DCDC1: variants seen among roughly 807,000 people sequenced by gnomAD.
The protein encoded by DCDC1 is doublecortin domain-containing protein 1.
In DCDC1, 200 loss-of-function variants were observed where a neutral mutation model predicts 178.3. That is an observed-to-expected ratio of 1.12 (90% CI 1.00 to 1.26). The LOEUF (loss-of-function observed/expected upper bound fraction) is 1.26. Ranked by LOEUF, DCDC1 falls within the 50% of genes most tolerant of loss-of-function variation. DCDC1 has a pLI of 0.00. For synonymous variants in DCDC1, 690 were observed against 604.8 expected, an observed-to-expected ratio of 1.14 and a Z score of -2.07; for missense variants, 1,983 against 1,749.2, an observed-to-expected ratio of 1.13 and a Z score of -2.38.
chr11:31,315,646 C>CTTTTTTTT (rs59083470), intron 3 of DCDC1, among the ~76,000 whole-genome samples: 2 of 112,426 alleles, frequency 1.8e-5, no homozygotes, highest in East Asian at 2.6e-4. Context: ...ATCTGCATAC[C>CTTTTTTTT]TTTTTTTTTT....
intron 21 of DCDC1, among the ~76,000 whole-genome samples, chr11:30,946,471 C>T (rs982701526): frequency 6.6e-6 from 1 of 152,188 alleles, no homozygotes; most frequent in African/African-American, 2.4e-5. Context: ...TTTTGAATAA[C>T]TCTTTTTTTC....
chr11:30,874,304 G>C (rs908400503), intron 38 of DCDC1, among the ~76,000 whole-genome samples: 17 of 152,146 alleles, frequency 1.1e-4, no homozygotes, highest in Admixed American at 3.3e-4. Flanking sequence ...CCAGTGCTGG[G>C]ACCAAGCCTG....
intron 9 of DCDC1, among the ~76,000 whole-genome samples, chr11:31,182,774 C>A (rs1029426023): frequency 6.6e-6 from 1 of 152,032 alleles, no homozygotes; most frequent in Non-Finnish European, 1.5e-5. Flanking sequence ...TGTAAACGGG[C>A]TAAATGCCAC....
chr11:31,305,638 A>T lies in DCDC1; in HGVS notation c.731T>A (p.Leu244Ter). Reference protein sequence around the residue: ...DVYVSTGEPFLNPFKKIKDHL... With the variant: ...DVYVSTGEPF ...ACCTTTAATTTTTTTGAATGGATTT[A>T]AAAAGGGCTCTCCCGTTGAAACATA... The change falls in exon 6 of 39, where the codon TTA becomes TAA. Residue 244 changes from leucine (L) to a stop codon, truncating the protein, a stop_gained. Coordinates refer to ENST00000684477, the MANE Select transcript of DCDC1 (RefSeq NM_001387274.1). LOFTEE classifies it high-confidence loss of function. The T allele has an allele frequency of 6.2e-7, 1 of 1,613,596 alleles. No homozygotes were observed. Among genetic ancestry groups the T allele is most frequent in the Non-Finnish European group, 8.5e-7 (1 of 1,179,648 alleles).
At chr11:31,100,147 G>A (rs989151270) in intron 15 of DCDC1, among the ~76,000 whole-genome samples, 1 of 152,086 alleles carries the variant, frequency 6.6e-6, no homozygotes, top group Non-Finnish European at 1.5e-5. Flanking sequence ...GTCCACATGG[G>A]CATAACAACA....
intron 9 of DCDC1, among the ~76,000 whole-genome samples, chr11:31,146,239 T>G (rs1000125172): frequency 6.6e-6 from 1 of 151,222 alleles, no homozygotes; most frequent in Non-Finnish European, 1.5e-5. Flanking sequence ...GCCTGGCTAA[T>G]TTTTTTTTGT....
At chr11:31,327,400 C>A (rs1255211535) in intron 3 of DCDC1, among the ~76,000 whole-genome samples, 1 of 152,050 alleles carries the variant, frequency 6.6e-6, no homozygotes, top group African/African-American at 2.4e-5. Flanking sequence ...AAACTCCCGA[C>A]CTCAGGTGAT....
intron 1 of DCDC1, among the ~76,000 whole-genome samples, chr11:31,341,845 A>ACACACACACAC (rs1950567324): frequency 6.7e-6 from 1 of 149,936 alleles, no homozygotes; most frequent in Non-Finnish European, 1.5e-5. Flanking sequence ...ACACACACAC[A>ACACACACACAC]TTTTTTTTGG....
intron 38 of DCDC1, among the ~76,000 whole-genome samples, chr11:30,868,065 T>C (rs1941166015): frequency 6.6e-6 from 1 of 152,032 alleles, no homozygotes; most frequent in Non-Finnish European, 1.5e-5. Context: ...TCCAAAGATA[T>C]GTAAAATAGT....
At chr11:31,043,689 C>A (rs1225648949) in intron 20 of DCDC1, among the ~76,000 whole-genome samples, 1 of 152,028 alleles carries the variant, frequency 6.6e-6, no homozygotes, top group African/African-American at 2.4e-5. Flanking sequence ...AATTTTTCCT[C>A]CCTTCTGTCA....
intron 9 of DCDC1, among the ~76,000 whole-genome samples, chr11:31,229,222 G>A (rs1410594792): frequency 1.3e-5 from 2 of 151,850 alleles, no homozygotes; most frequent in Non-Finnish European, 2.9e-5. Context: ...AAATAGAAGA[G>A]GAAGAAATAC....
At chr11:31,293,993 C>T (rs1176529397) in intron 6 of DCDC1, among the ~76,000 whole-genome samples, 7 of 152,176 alleles carry the variant, frequency 4.6e-5, no homozygotes, top group Non-Finnish European at 8.8e-5. Context: ...ACTCTCTCGG[C>T]GAGACCTTGA....
At chr11:31,072,205 G>A (rs1956608047) in intron 18 of DCDC1, among the ~76,000 whole-genome samples, 1 of 152,054 alleles carries the variant, frequency 6.6e-6, no homozygotes. Flanking sequence ...TAGTGAGGCT[G>A]AAATTTTTAT....
intron 20 of DCDC1, among the ~76,000 whole-genome samples, chr11:31,029,466 T>C (rs1953475522): frequency 6.6e-6 from 1 of 152,144 alleles, no homozygotes; most frequent in Admixed American, 6.5e-5. Flanking sequence ...TGCTATGATA[T>C]CAGTGTGCAG....
chr11:31,018,827 T>C (rs887332742), intron 20 of DCDC1, among the ~76,000 whole-genome samples: 3 of 152,082 alleles, frequency 2.0e-5, no homozygotes, highest in African/African-American at 7.2e-5. Context: ...GATCAAAAAA[T>C]GGAGGGGCCA....
intron 9 of DCDC1, among the ~76,000 whole-genome samples, chr11:31,218,121 A>C (rs1476430674): frequency 6.6e-6 from 1 of 152,076 alleles, no homozygotes; most frequent in Non-Finnish European, 1.5e-5. Flanking sequence ...TTAAGAAAAA[A>C]AAAAGTCGTA....
intron 21 of DCDC1, among the ~76,000 whole-genome samples, chr11:30,950,488 ATGT>A (rs1948351061): frequency 6.6e-6 from 1 of 152,158 alleles, no homozygotes; most frequent in South Asian, 2.1e-4. Context: ...GACAAAGAAA[ATGT>A]TGTATACACA....
intron 20 of DCDC1, among the ~76,000 whole-genome samples, chr11:30,998,533 C>A (rs1001279514): frequency 2.8e-5 from 3 of 107,722 alleles, no homozygotes; most frequent in Non-Finnish European, 6.9e-5. Flanking sequence ...GATATATTTT[C>A]CTTGCAAAAG....
chr11:31,040,363 T>C (rs1565210666), intron 20 of DCDC1, among the ~76,000 whole-genome samples: 1 of 152,286 alleles, frequency 6.6e-6, no homozygotes, highest in Admixed American at 6.5e-5. Context: ...TGCATACAGA[T>C]TGTTGCCCCC....
Sources: gnomAD v4.1 joint callset for allele counts (sites outside exome capture counted in the v4.1 genomes callset) on GRCh38, gnomAD v4.1.1 for gene constraint, MANE v1.5 for transcripts, NCBI Gene and HGNC (gene_info 2026-07-23, HGNC 2026-07-21) for gene names.